Variants in RELN observed in about 807,000 individuals in gnomAD.
The protein encoded by RELN is reelin.
RELN carries 108 observed loss-of-function variants against 427.6 expected under a neutral mutation model. The ratio of observed to expected loss-of-function variants is 0.25; its 90% CI spans 0.22 to 0.30. RELN has a LOEUF of 0.30. RELN is among the 10% of genes least tolerant of loss of function. The pLI is 1.00. For synonymous variants in RELN, 1,524 were observed against 1,513.4 expected, an observed-to-expected ratio of 1.01 and a Z score of -0.16; for missense variants, 3,715 against 4,302.8, an observed-to-expected ratio of 0.86 and a Z score of 3.82.
At chr7:103,847,745 C>T (rs1047764899) in intron 2 of RELN, among the ~76,000 whole-genome samples, 2 of 152,024 alleles carry the variant, frequency 1.3e-5, no homozygotes, top group Admixed American at 1.3e-4. Flanking sequence ...TTTTACTCTC[C>T]TACATGGCTT....
rs185534851 is a variant in RELN at position 103,585,007 on chromosome 7, T to G, written c.4145+4589A>C. On this transcript the variant is annotated intron_variant, in intron 28 of 64. Coordinates refer to ENST00000428762, the MANE Select transcript of RELN (RefSeq NM_005045.4). ...TTAAGGCAGAAATAAAAAAAAAATTTGAAACAAATGAAAATAGGGACACAA... is the reference window on the plus strand; with the variant it reads ...TTAAGGCAGAAATAAAAAAAAAATTGGAAACAAATGAAAATAGGGACACAA... Among the ~76,000 whole-genome samples, 68 of 151,776 alleles carry G rather than the reference T, an allele frequency of 4.5e-4. No homozygotes were observed. In the South Asian group the frequency reaches 7.1e-3, roughly 16 times the overall value.
At chr7:103,799,922 G>A (rs183595878) in intron 3 of RELN, among the ~76,000 whole-genome samples, 6 of 151,838 alleles carry the variant, frequency 4.0e-5, no homozygotes, top group African/African-American at 7.3e-5. Flanking sequence ...CAAAAACCAC[G>A]TGATTATCTC....
intron 20 of RELN, among the ~76,000 whole-genome samples, chr7:103,622,188 T>C (rs1422842161): frequency 1.3e-5 from 2 of 152,184 alleles, no homozygotes; most frequent in African/African-American, 4.8e-5. Flanking sequence ...CAAATGAAAA[T>C]TTTTAGAGAA....
At chr7:103,474,907 T>G (rs1827980845) in intron 64 of RELN, among the ~76,000 whole-genome samples, 1 of 151,986 alleles carries the variant, frequency 6.6e-6, no homozygotes, top group South Asian at 2.1e-4. Flanking sequence ...TTCCTACACA[T>G]ACATGCAGTT....
At chr7:103,862,873 A>C (rs1279022873) in intron 2 of RELN, among the ~76,000 whole-genome samples, 2 of 152,106 alleles carry the variant, frequency 1.3e-5, no homozygotes, top group East Asian at 3.9e-4. Flanking sequence ...GAAATCAGAG[A>C]ATGGACGTGG....
intron 2 of RELN, among the ~76,000 whole-genome samples, chr7:103,892,270 C>A (rs1794867324): frequency 6.6e-6 from 1 of 152,164 alleles, no homozygotes. Flanking sequence ...CTATGTGGAG[C>A]AAAGCCTTCC....
At chr7:103,754,751 G>C (rs1245684760) in intron 4 of RELN, among the ~76,000 whole-genome samples, 4 of 152,154 alleles carry the variant, frequency 2.6e-5, no homozygotes, top group Non-Finnish European at 1.5e-5. Flanking sequence ...ACTCCAGCCT[G>C]AGCAAGAGAG....
In RELN at chr7:103,486,234, G is replaced by T. The variant is rs75231064; in HGVS notation, c.9946C>A (p.Gln3316Lys). The T allele has an allele frequency of 1.2e-6, 2 of 1,613,910 alleles. No individual in the cohort carries two copies. Among genetic ancestry groups the T allele is most frequent in the Non-Finnish European group, 1.7e-6 (2 of 1,180,026 alleles). The change falls in exon 61 of 65, where the codon CAA becomes AAA. Residue 3316 changes from glutamine (Q) to lysine (K), a missense_variant. Coordinates refer to ENST00000428762, the MANE Select transcript of RELN (RefSeq NM_005045.4). ...SLYFNGCQIR[Q>K]AATKPLDLTR... ...AGATCCAGAGGCTTGGTAGCTGCTT[G>T]CCTGATCTGACAGCCATTAAAGTAC...
chr7:103,596,906 G>T (rs58334767), intron 24 of RELN, among the ~76,000 whole-genome samples: 9 of 152,250 alleles, frequency 5.9e-5, no homozygotes, highest in African/African-American at 2.2e-4. Flanking sequence ...AGACCCTTGG[G>T]AATTGCTAAT....
At chr7:103,752,861 T>C (rs1791040478) in intron 5 of RELN, among the ~76,000 whole-genome samples, 1 of 152,212 alleles carries the variant, frequency 6.6e-6, no homozygotes, top group South Asian at 2.1e-4. Flanking sequence ...CTAATATTTA[T>C]GATGGGCATC....
chr7:103,645,004 C>T (rs977388845), intron 16 of RELN, among the ~76,000 whole-genome samples: 2 of 151,524 alleles, frequency 1.3e-5, no homozygotes, highest in African/African-American at 4.8e-5. Context: ...AACTATTAAC[C>T]AGGAATTTTG....
chr7:103,602,442 C>T (rs1245459211), intron 24 of RELN, among the ~76,000 whole-genome samples: 10 of 152,148 alleles, frequency 6.6e-5, no homozygotes, highest in Non-Finnish European at 1.5e-4. Flanking sequence ...AAATGCCCAT[C>T]AATGATAGAC....
intron 1 of RELN, among the ~76,000 whole-genome samples, chr7:103,923,638 G>C (rs1795663186): frequency 6.6e-6 from 1 of 152,152 alleles, no homozygotes; most frequent in Admixed American, 6.5e-5. Flanking sequence ...GGGGTAGAGA[G>C]AGATCGTTCC....
chr7:103,740,827 A>G (rs1328061677), intron 6 of RELN, among the ~76,000 whole-genome samples: 1 of 152,230 alleles, frequency 6.6e-6, no homozygotes, highest in Non-Finnish European at 1.5e-5. Context: ...TAAGAAGTAC[A>G]GAGTAAATAA....
chr7:103,781,718 A>C (rs1388215068), intron 3 of RELN, among the ~76,000 whole-genome samples: 1 of 152,040 alleles, frequency 6.6e-6, no homozygotes, highest in Non-Finnish European at 1.5e-5. Flanking sequence ...CTTCTATAAG[A>C]CCAACTTTTT....
intron 49 of RELN, among the ~76,000 whole-genome samples, chr7:103,518,517 T>TTTTTTTTTTTTTTTTTTAA (rs1443594967): frequency 1.3e-5 from 2 of 149,516 alleles, no homozygotes; most frequent in African/African-American, 5.0e-5. Context: ...TTTTTTTTTT[T>TTTTTTTTTTTTTTTTTTAA]TTGGTAAAAT....
chr7:103,839,349 G>A (rs1287050118), intron 2 of RELN, among the ~76,000 whole-genome samples: 1 of 126,162 alleles, frequency 7.9e-6, no homozygotes, highest in Non-Finnish European at 1.6e-5. Context: ...ATATTATACT[G>A]CTACACATTG....
intron 1 of RELN, among the ~76,000 whole-genome samples, chr7:103,920,314 T>C (rs1365664340): frequency 6.6e-6 from 1 of 152,160 alleles, no homozygotes; most frequent in East Asian, 1.9e-4. Context: ...ACAAATTTTT[T>C]ATATTCGAAC....
At chr7:103,900,560 A>G (rs1309753154) in intron 2 of RELN, among the ~76,000 whole-genome samples, 3 of 152,176 alleles carry the variant, frequency 2.0e-5, no homozygotes, top group Non-Finnish European at 2.9e-5. Flanking sequence ...CTACAAGGCT[A>G]TAGTAACCAA....
Sources: gnomAD v4.1 joint callset for allele counts (sites outside exome capture counted in the v4.1 genomes callset) on GRCh38, gnomAD v4.1.1 for gene constraint, MANE v1.5 for transcripts, NCBI Gene and HGNC (gene_info 2026-07-23, HGNC 2026-07-21) for gene names.